NARS2: variants seen among roughly 807,000 people sequenced by gnomAD.
NARS2 encodes the protein asparaginyl-tRNA synthetase.
Under a neutral mutation model 62.9 loss-of-function variants are expected in NARS2, and 60 were observed. The observed-to-expected ratio is 0.95, with a 90% CI of 0.77 to 1.18. The LOEUF (loss-of-function observed/expected upper bound fraction) is 1.18, where lower values mean the gene tolerates loss of function less well. Ranked by LOEUF, NARS2 falls within the 50% of genes most tolerant of loss-of-function variation. NARS2 has a pLI of 0.00. For synonymous variants in NARS2, 196 were observed against 200.0 expected, an observed-to-expected ratio of 0.98 and a Z score of 0.17; for missense variants, 619 against 576.4, an observed-to-expected ratio of 1.07 and a Z score of -0.76.
rs1321554485 is a variant in NARS2, at chr11:78,478,455, T to C, written c.942A>G (p.Leu314=). 9.0e-7 allele frequency: 1 copy of C among 1,109,986 alleles called. No homozygotes were observed. The highest frequency in any genetic ancestry group is 1.3e-6 in the Non-Finnish European group (1 of 793,244). The allele number at this position is 1,109,986 out of a possible 1,614,324, so 68.8% of individuals were successfully genotyped here. Residue 314 remains leucine (L), a synonymous_variant, in exon 9 of 14, where the codon CTA becomes CTG. Transcript: ENST00000281038. ...CTACTTACATTAAAAAGTTGTTTTT[T>C]AGCATATGTTCTAATCTGTCCTTAA... ...PGQKDRLEHM[L]KNNFLIISYT...
chr11:78,440,993 C>G (rs1857561022), intron 13 of NARS2, 98 bp downstream of exon 13: 1 of 1,062,302 alleles, frequency 9.4e-7, no homozygotes, highest in African/African-American at 1.6e-5. Flanking sequence ...TTGTTTTTAA[C>G]ACTCTTTCAT....
At chr11:78,534,439 A>C (rs1861594011) in intron 5 of NARS2, among the ~76,000 whole-genome samples, 1 of 152,110 alleles carries the variant, frequency 6.6e-6, no homozygotes, top group Admixed American at 6.5e-5. Flanking sequence ...TATTTTTTTT[A>C]GGAATCTATG....
chr11:78,475,268 C>CTG (rs1483904648), intron 9 of NARS2, among the ~76,000 whole-genome samples: 1 of 152,154 alleles, frequency 6.6e-6, no homozygotes, highest in Non-Finnish European at 1.5e-5. Context: ...TAGTATTCCA[C>CTG]TGTGTATATA....
chr11:78,461,602 T>TAAAAAAAAAAAAAAAAA (rs59664343), intron 11 of NARS2, among the ~76,000 whole-genome samples: 8 of 64,076 alleles, frequency 1.2e-4, no homozygotes, highest in African/African-American at 4.9e-4. Context: ...GCTGTGCTGG[T>TAAAAAAAAAAAAAAAAA]AAAAAAAAAA....
At chr11:78,564,544 T>C (rs1013282212) in intron 4 of NARS2, among the ~76,000 whole-genome samples, 16 of 152,186 alleles carry the variant, frequency 1.1e-4, no homozygotes, top group African/African-American at 3.9e-4. Context: ...TTTTAATTGT[T>C]TACATATCTC....
intron 5 of NARS2, among the ~76,000 whole-genome samples, chr11:78,534,196 T>C (rs1452573326): frequency 6.6e-6 from 1 of 152,186 alleles, no homozygotes; most frequent in Non-Finnish European, 1.5e-5. Context: ...CTGGTTCTTA[T>C]GGTTGGAGTA....
At chr11:78,454,305 G>C (rs919228815) in intron 11 of NARS2, among the ~76,000 whole-genome samples, 4 of 152,152 alleles carry the variant, frequency 2.6e-5, no homozygotes, top group Non-Finnish European at 5.9e-5. Context: ...TCTAATATTG[G>C]AGGTGGGGCC....
intron 6 of NARS2, among the ~76,000 whole-genome samples, chr11:78,494,486 T>A (rs1466477413): frequency 1.3e-5 from 2 of 149,784 alleles, no homozygotes; most frequent in African/African-American, 4.9e-5. Context: ...TTTTTTTTTT[T>A]AGTAAAGATA....
At chr11:78,473,233 T>C (rs961236067) in intron 9 of NARS2, among the ~76,000 whole-genome samples, 1 of 152,224 alleles carries the variant, frequency 6.6e-6, no homozygotes, top group Non-Finnish European at 1.5e-5. Flanking sequence ...AGGACTAACA[T>C]TTCAACTATC....
chr11:78,459,740 T>C (rs1858318288), intron 11 of NARS2, among the ~76,000 whole-genome samples: 1 of 152,248 alleles, frequency 6.6e-6, no homozygotes, highest in Non-Finnish European at 1.5e-5. Context: ...GGTATGTCTT[T>C]ATCAGCAGCA....
At chr11:78,542,206 A>AAT in intron 5 of NARS2, among the ~76,000 whole-genome samples, 1 of 152,384 alleles carries the variant, frequency 6.6e-6, no homozygotes, top group South Asian at 2.1e-4. Context: ...GAAGTTATTA[A>AAT]GTCAGACTGT....
At chr11:78,440,927 G>A (rs1857558327) in intron 13 of NARS2, among the ~76,000 whole-genome samples, 164 bp downstream of exon 13, 4 of 152,182 alleles carry the variant, frequency 2.6e-5, no homozygotes, top group Admixed American at 2.0e-4. Context: ...CCCAAAGGAA[G>A]TAAGTAATCT....
In NARS2 at chr11:78,574,600, C is replaced by G. The variant is rs1299998947; in HGVS notation, c.-112G>C. ...CCCCTTCCGCGGCCGCAGCTCTGCT[C>G]TAAGGCACTCCAGAGCCCCTCGGCT... On this transcript the variant is annotated 5_prime_UTR_variant, in exon 1 of 14. Transcript: ENST00000281038. The G allele has an allele frequency of 5.7e-6, 7 of 1,236,336 alleles. No homozygotes were observed. Among genetic ancestry groups the G allele is most frequent in the East Asian group, 5.1e-5 (2 of 39,178 alleles). 76.6% of individuals were successfully genotyped at this position (1,236,336 alleles called of 1,614,324 possible).
intron 6 of NARS2, among the ~76,000 whole-genome samples, chr11:78,496,484 G>A (rs58539026): frequency 0.031 from 4,674 of 152,208 alleles, 221 homozygotes; most frequent in African/African-American, 0.11. Flanking sequence ...CAAAGTCATA[G>A]CTTAGTAAAT....
At chr11:78,541,480 G>C (rs1381531649) in intron 5 of NARS2, among the ~76,000 whole-genome samples, 1 of 152,084 alleles carries the variant, frequency 6.6e-6, no homozygotes, top group Non-Finnish European at 1.5e-5. Flanking sequence ...TTATCCTGTA[G>C]TGTTGAAATA....
At position 78,436,801 on chromosome 11, in the gene NARS2, G is replaced by A. The variant is rs1481123553; in HGVS notation, c.1303C>T (p.Arg435Cys). The change falls in exon 14 of 14, where the codon CGT becomes TGT. Residue 435 changes from arginine to cysteine, a missense_variant. Coordinates refer to ENST00000281038, the MANE Select transcript of NARS2 (RefSeq NM_024678.6). Reference sequence around the variant, plus strand: ...CCATGTGGCACAGATCCAAATCGACGAAGGTCCAGATACCTGTTTTTCAAA... The same window carrying A: ...CCATGTGGCACAGATCCAAATCGACAAAGGTCCAGATACCTGTTTTTCAAA... ...TEVYQWYLDLRRFGSVPHGGF... is the reference protein window; with the variant it reads ...TEVYQWYLDLCRFGSVPHGGF... 10 of 1,613,922 alleles carry A rather than the reference G, an allele frequency of 6.2e-6. No individual in the cohort carries two copies. In the South Asian group the frequency reaches 6.6e-5, roughly 11 times the overall value.
intron 4 of NARS2, among the ~76,000 whole-genome samples, chr11:78,562,025 ACT>A (rs1007429237): frequency 1.3e-5 from 2 of 150,612 alleles, no homozygotes; most frequent in African/African-American, 5.0e-5. Context: ...ACACGGCGAG[ACT>A]CTGTCAAAAA....
At chr11:78,498,344 G>C (rs1329355587) in intron 6 of NARS2, among the ~76,000 whole-genome samples, 1 of 152,214 alleles carries the variant, frequency 6.6e-6, no homozygotes, top group East Asian at 1.9e-4. Context: ...ATACTGCTCT[G>C]ACCTCTATTT....
At chr11:78,549,921 CAA>C (rs367968108) in intron 5 of NARS2, among the ~76,000 whole-genome samples, 16 of 152,132 alleles carry the variant, frequency 1.1e-4, no homozygotes, top group African/African-American at 3.6e-4. Flanking sequence ...GGCCCAACAA[CAA>C]AAAGACAACC....
Sources: gnomAD v4.1 joint callset for allele counts (sites outside exome capture counted in the v4.1 genomes callset) on GRCh38, gnomAD v4.1.1 for gene constraint, MANE v1.5 for transcripts, NCBI Gene and HGNC (gene_info 2026-07-23, HGNC 2026-07-21) for gene names.